The following FHIT variants were observed in gnomAD, a reference collection of about 807,000 sequenced individuals.
FHIT encodes the protein bis(5'-adenosyl)-triphosphatase.
FHIT carries 19 observed loss-of-function variants against 17.9 expected under a neutral mutation model. The observed-to-expected ratio is 1.06, with a 90% confidence interval of 0.74 to 1.56. FHIT has a LOEUF of 1.56. FHIT is among the 40% of genes most tolerant of loss of function. The probability of loss-of-function intolerance (pLI) is 0.00; values close to 1 mark genes in which losing one functional copy is unlikely to be tolerated. For synonymous variants in FHIT, 81 were observed against 69.7 expected (o/e 1.16, Z -0.81); for missense variants, 248 against 189.2 (o/e 1.31, Z -1.82).
chr3:61,198,256 A>G (rs1452887058), intron 2 of FHIT, among the ~76,000 whole-genome samples: 1 of 152,102 alleles, frequency 6.6e-6, no homozygotes, highest in Non-Finnish European at 1.5e-5. Flanking sequence ...GGCCATGACT[A>G]CTAGCCAAGA....
chr3:60,703,661 G>A (rs1275589971), intron 4 of FHIT, among the ~76,000 whole-genome samples: 1 of 152,062 alleles, frequency 6.6e-6, no homozygotes, highest in Non-Finnish European at 1.5e-5. Flanking sequence ...TGCTAGATTT[G>A]TACAGTTGAG....
intron 4 of FHIT, among the ~76,000 whole-genome samples, chr3:60,817,710 C>G (rs1701789241): frequency 6.6e-6 from 1 of 152,064 alleles, no homozygotes; most frequent in Non-Finnish European, 1.5e-5. Context: ...TATGATGTAC[C>G]TATGCACAGT....
At chr3:59,976,379 A>G (rs766974441) in intron 7 of FHIT, among the ~76,000 whole-genome samples, 7 of 152,120 alleles carry the variant, frequency 4.6e-5, no homozygotes, top group Non-Finnish European at 1.0e-4. Context: ...GCAAATCAGC[A>G]TACTTTTCAA....
chr3:60,746,211 C>T (rs1553715319), intron 4 of FHIT, among the ~76,000 whole-genome samples: 3 of 152,138 alleles, frequency 2.0e-5, no homozygotes, highest in African/African-American at 7.2e-5. Context: ...GGAGAGTAAG[C>T]AGCAAAAGAC....
intron 5 of FHIT, among the ~76,000 whole-genome samples, chr3:60,342,298 G>T (rs953170958): frequency 6.6e-6 from 1 of 152,216 alleles, no homozygotes; most frequent in Admixed American, 6.5e-5. Context: ...TCAGGCAGCT[G>T]ATCACTCAAT....
chr3:61,091,965 A>C (rs1000626416), intron 2 of FHIT, among the ~76,000 whole-genome samples: 5 of 141,692 alleles, frequency 3.5e-5, no homozygotes, highest in African/African-American at 1.1e-4. Context: ...AAAAAAAAAG[A>C]AGCAACAGGA....
chr3:60,396,733 A>T (rs1296616761), intron 5 of FHIT, among the ~76,000 whole-genome samples: 1 of 152,178 alleles, frequency 6.6e-6, no homozygotes, highest in Non-Finnish European at 1.5e-5. Flanking sequence ...GCTGCACAAC[A>T]TTATCAGTGT....
intron 5 of FHIT, among the ~76,000 whole-genome samples, chr3:60,434,868 G>C (rs2030067987): frequency 6.6e-6 from 1 of 151,838 alleles, no homozygotes; most frequent in African/African-American, 2.4e-5. Flanking sequence ...CTACTCTTTG[G>C]GTTGTCATTT....
intron 8 of FHIT, among the ~76,000 whole-genome samples, chr3:59,819,655 T>C (rs2106649060): frequency 6.6e-6 from 1 of 152,320 alleles, no homozygotes. Context: ...CATAGTCATA[T>C]GTCTTGTTTT....
chr3:60,466,549 C>A (rs2734388), intron 5 of FHIT, among the ~76,000 whole-genome samples: 2 of 151,764 alleles, frequency 1.3e-5, no homozygotes, highest in South Asian at 2.1e-4. Flanking sequence ...TATGTTCCTT[C>A]TATACACAGT....
At chr3:60,047,019 G>C (rs993258676) in intron 5 of FHIT, among the ~76,000 whole-genome samples, 1 of 152,226 alleles carries the variant, frequency 6.6e-6, no homozygotes, top group Admixed American at 6.5e-5. Flanking sequence ...GCTAGAACTT[G>C]ATGTGTGAAG....
chr3:59,759,543 T>C (rs1196537449), intron 8 of FHIT, among the ~76,000 whole-genome samples: 2 of 152,312 alleles, frequency 1.3e-5, no homozygotes, highest in African/African-American at 2.4e-5. Flanking sequence ...CCTGCCAAGA[T>C]TGCTCTGAAC....
chr3:60,845,894 G>T (rs1371491516), intron 3 of FHIT, among the ~76,000 whole-genome samples: 4 of 152,110 alleles, frequency 2.6e-5, no homozygotes, highest in Non-Finnish European at 5.9e-5. Flanking sequence ...TACATAAGAG[G>T]TAATGGCTGA....
chr3:59,893,479 T>C (rs1274184968), intron 8 of FHIT, among the ~76,000 whole-genome samples: 2 of 152,140 alleles, frequency 1.3e-5, no homozygotes, highest in South Asian at 4.1e-4. Context: ...CTAGAACTGA[T>C]CCTCAAAAGC....
At chr3:60,374,006 C>T (rs752643583) in intron 5 of FHIT, among the ~76,000 whole-genome samples, 1 of 152,188 alleles carries the variant, frequency 6.6e-6, no homozygotes, top group Non-Finnish European at 1.5e-5. Flanking sequence ...GCAATTACTA[C>T]ATGTATCTTT....
chr3:60,072,640 C>T (rs765170559), intron 5 of FHIT, among the ~76,000 whole-genome samples: 3 of 144,424 alleles, frequency 2.1e-5, no homozygotes, highest in Non-Finnish European at 2.9e-5. Context: ...AAGTCAAGGA[C>T]TTGCCCAGCA....
At chr3:60,465,366 CT>C (rs1341338551) in intron 5 of FHIT, among the ~76,000 whole-genome samples, 1 of 151,846 alleles carries the variant, frequency 6.6e-6, no homozygotes, top group Admixed American at 6.6e-5. Flanking sequence ...AATTTGTTTA[CT>C]TTGCTATGCA....
intron 5 of FHIT, among the ~76,000 whole-genome samples, chr3:60,083,529 T>A (rs1379934301): frequency 6.6e-6 from 1 of 152,042 alleles, no homozygotes; most frequent in African/African-American, 2.4e-5. Context: ...AACCTGTATA[T>A]TGCTTTGGGC....
At chr3:60,858,898 G>A (rs1006523160) in intron 3 of FHIT, among the ~76,000 whole-genome samples, 11 of 152,102 alleles carry the variant, frequency 7.2e-5, no homozygotes, top group Non-Finnish European at 1.3e-4. Context: ...ATGCCTAAGT[G>A]CAACAGGATG....
Sources: gnomAD v4.1 joint callset for allele counts (sites outside exome capture counted in the v4.1 genomes callset) on GRCh38, gnomAD v4.1.1 for gene constraint, MANE v1.5 for transcripts, NCBI Gene and HGNC (gene_info 2026-07-23, HGNC 2026-07-21) for gene names.